Variants in XAF1 observed in about 807,000 individuals in gnomAD.
The protein encoded by XAF1 is XIAP-associated factor 1.
In XAF1, 32 loss-of-function variants were observed where a neutral mutation model predicts 32.3. The observed-to-expected ratio is 0.99, with a 90% CI of 0.75 to 1.33. The LOEUF (loss-of-function observed/expected upper bound fraction) is 1.33. Among genes scored for constraint, XAF1 ranks in the 40% most tolerant of loss-of-function variants. The pLI is 0.00. For missense variants in XAF1, 379 were observed against 366.0 expected, an observed-to-expected ratio of 1.04 and a Z score of -0.29; for synonymous variants, 120 against 125.9, an observed-to-expected ratio of 0.95 and a Z score of 0.31.
In XAF1 at chr17:6,773,499, G is replaced by A. The variant is rs114707182; in HGVS notation, c.*330G>A. 6.4e-3 allele frequency: 1,609 copies of A among 253,342 alleles called. 22 individuals carry two copies. The highest frequency in any genetic ancestry group is 0.035 in the African/African-American group (1,493 of 43,218). 15.7% of individuals were successfully genotyped at this position (253,342 alleles called of 1,614,324 possible). A position where few individuals can be genotyped will look rare whatever the true frequency, so the allele number is the denominator to read the frequency against. ...GCAAAAGCTGGAGCATTACTCTTGAGAAGTAGAACAAGGCACTTCAGTCCT... is the reference window on the plus strand; with the variant it reads ...GCAAAAGCTGGAGCATTACTCTTGAAAAGTAGAACAAGGCACTTCAGTCCT... On this transcript the variant is annotated 3_prime_UTR_variant, in exon 7 of 7. Coordinates refer to ENST00000361842, the MANE Select transcript of XAF1 (RefSeq NM_017523.5).
intron 1 of XAF1, among the ~76,000 whole-genome samples, chr17:6,757,021 C>T (rs368260187): frequency 1.6e-4 from 23 of 147,484 alleles, no homozygotes; most frequent in Admixed American, 4.7e-4. Context: ...GATGGAGTTT[C>T]GCTTCTTTTT....
At chr17:6,772,009 G>T (rs1447684973) in intron 6 of XAF1, 1 of 152,066 alleles carries the variant, frequency 6.6e-6, no homozygotes, top group East Asian at 1.9e-4. Context: ...TTTTCACTTA[G>T]TATATGATGC....
At chr17:6,760,193 C>G (rs890811794) in intron 3 of XAF1, among the ~76,000 whole-genome samples, 1 of 151,986 alleles carries the variant, frequency 6.6e-6, no homozygotes, top group African/African-American at 2.4e-5. Flanking sequence ...ACTAAAAGTA[C>G]AAAAATTAGC....
At position 6,759,661 on chromosome 17, in the gene XAF1, G is replaced by T; in HGVS notation, c.169-1G>T. 1.2e-6 allele frequency: 2 copies of T among 1,609,682 alleles called. No homozygotes were observed. The highest frequency in any genetic ancestry group is 8.5e-7 in the Non-Finnish European group (1 of 1,179,278). ...GTGTGTGTGTGTGTGTGTGTGTTTA[G>T]GTTGGGTGTACGATGTGTCAGCAGA... On this transcript the variant is annotated splice_acceptor_variant, in intron 2 of 6. Transcript: ENST00000361842. LOFTEE classifies it high-confidence loss of function.
intron 6 of XAF1, chr17:6,771,251 C>T (rs1054708308): frequency 2.7e-6 from 1 of 375,764 alleles, no homozygotes; most frequent in Non-Finnish European, 4.9e-6. Flanking sequence ...TCTCCAGCTT[C>T]TAGGCCAGGG....
rs377434222 is a variant in XAF1, at chr17:6,766,967, T to G, written c.508-3676T>G. ...CTTTCTTAGGTTACTCCTTGTTTGA[T>G]AGAACATATCCCCAAATAGTTTCTT... On this transcript the variant is annotated intron_variant, in intron 5 of 6. Coordinates refer to ENST00000361842, the MANE Select transcript of XAF1 (RefSeq NM_017523.5). Among the ~76,000 whole-genome samples, 191 of 152,320 alleles carry G rather than the reference T, an allele frequency of 1.3e-3. 9 individuals carry two copies. The South Asian group carries it at 0.037, about 29-fold the overall frequency.
chr17:6,759,136 C>A, intron 2 of XAF1: 1 of 1,016,656 alleles, frequency 9.8e-7, no homozygotes, highest in Non-Finnish European at 1.2e-6. Context: ...CACTTGAGGG[C>A]CATGGGAAGT....
intron 4 of XAF1, among the ~76,000 whole-genome samples, chr17:6,760,881 G>A (rs1056874605): frequency 3.0e-4 from 46 of 152,324 alleles, no homozygotes; most frequent in Admixed American, 2.9e-3. Context: ...AAGGCTGGGC[G>A]GGGTGGCTAA....
chr17:6,765,900 A>C (rs557461371), intron 5 of XAF1, among the ~76,000 whole-genome samples: 32 of 152,244 alleles, frequency 2.1e-4, no homozygotes, highest in African/African-American at 7.7e-4. Context: ...TTTTATGCAA[A>C]CTCAAAACTA....
At chr17:6,767,184 A>T (rs117736039) in intron 5 of XAF1, among the ~76,000 whole-genome samples, 277 of 152,306 alleles carry the variant, frequency 1.8e-3, no homozygotes, top group Admixed American at 5.8e-3. Flanking sequence ...TATCATTATT[A>T]CTTGTCCACT....
In XAF1 at chr17:6,774,292, A is replaced by T. The variant is rs1845461952; in HGVS notation, c.*1123A>T. ...ACCTACAACCATCTAATCTTTGACA[A>T]AGTTGACAAAAATACGCAATGGGGA... On this transcript the variant is annotated 3_prime_UTR_variant, in exon 7 of 7. Coordinates refer to ENST00000361842, the MANE Select transcript of XAF1 (RefSeq NM_017523.5). 6.6e-6 allele frequency: 1 copy of T among 152,226 alleles called. No homozygotes were observed. The highest frequency in any genetic ancestry group is 6.5e-5 in the Admixed American group (1 of 15,278). 9.4% of individuals were successfully genotyped at this position (152,226 alleles called of 1,614,324 possible).
rs114531225 is a variant in XAF1 at position 6,759,699 on chromosome 17, C to G, written c.206C>G (p.Ser69Cys). Reference sequence around the variant, plus strand: ...ATGTGTCAGCAGAGCATGCAGAAGTCCTCGCTGGAGTTTCATAAGGTAAGA... The same window carrying G: ...ATGTGTCAGCAGAGCATGCAGAAGTGCTCGCTGGAGTTTCATAAGGTAAGA... ...CTMCQQSMQKSSLEFHKANEC... is the reference protein window; with the variant it reads ...CTMCQQSMQKCSLEFHKANEC... The change falls in exon 3 of 7, where the codon TCC becomes TGC. Residue 69 changes from serine (S) to cysteine (C), a missense_variant. Physicochemically the swap from Ser to Cys is moderately radical, Grantham distance 112 (BLOSUM62 -1). Transcript: ENST00000361842. 4.9e-5 allele frequency: 79 copies of G among 1,613,794 alleles called. No homozygotes were observed. The Admixed American group carries it at 6.7e-4, about 14-fold the overall frequency.
At chr17:6,770,498 G>T (rs1975937583) in intron 5 of XAF1, 145 bp from the exon 6 acceptor site, 3 of 668,942 alleles carry the variant, frequency 4.5e-6, no homozygotes, top group South Asian at 6.1e-5. Flanking sequence ...TGCAAAGCCA[G>T]CTATTAAATT....
chr17:6,761,990 T>A, intron 4 of XAF1, 165 bp from the exon 5 acceptor site: 1 of 1,535,286 alleles, frequency 6.5e-7, no homozygotes, highest in Non-Finnish European at 8.7e-7. Context: ...CGGCCAAGAG[T>A]TGCCTGTGTG....
At chr17:6,769,603 T>C (rs1975870232) in intron 5 of XAF1, among the ~76,000 whole-genome samples, 2 of 152,196 alleles carry the variant, frequency 1.3e-5, no homozygotes, top group African/African-American at 4.8e-5. Flanking sequence ...TCAAGGTGGA[T>C]TGCTTCCTTG....
intron 2 of XAF1, 56 bp downstream of exon 2, chr17:6,758,280 C>T: frequency 6.3e-7 from 1 of 1,597,784 alleles, no homozygotes; most frequent in Non-Finnish European, 8.5e-7. Context: ...GTTCAGTCCT[C>T]CCTGCAGGTG....
At position 6,760,579 on chromosome 17, in the gene XAF1, T is replaced by C. The variant is rs1036940709; in HGVS notation, c.399T>C (p.Ser133=). 51 of 1,610,974 alleles carry C rather than the reference T, an allele frequency of 3.2e-5. No individual in the cohort carries two copies. The highest frequency in any genetic ancestry group is 3.8e-5 in the Non-Finnish European group (45 of 1,178,712). Residue 133 remains serine, a synonymous_variant, in exon 4 of 7, where the codon AGT becomes AGC. Coordinates refer to ENST00000361842, the MANE Select transcript of XAF1 (RefSeq NM_017523.5). Reference sequence around the variant, plus strand: ...CCCAGCACAGAGATGTCTGTCGCAGTGAACAGGCCCAGCTCGGGAAAGGTA... The same window carrying C: ...CCCAGCACAGAGATGTCTGTCGCAGCGAACAGGCCCAGCTCGGGAAAGGTA... ...MLAQHRDVCR[S]EQAQLGKGER...
intron 5 of XAF1, among the ~76,000 whole-genome samples, chr17:6,764,785 T>C (rs1975470001): frequency 6.6e-6 from 1 of 152,222 alleles, no homozygotes; most frequent in Admixed American, 6.5e-5. Flanking sequence ...CCATCTTTTC[T>C]TCTCTCATTC....
At chr17:6,764,951 C>T (rs534170906) in intron 5 of XAF1, among the ~76,000 whole-genome samples, 3 of 152,276 alleles carry the variant, frequency 2.0e-5, no homozygotes, top group East Asian at 1.9e-4. Context: ...TGGACTTTCT[C>T]GGCTTCCAGG....
Sources: gnomAD v4.1 joint callset for allele counts (sites outside exome capture counted in the v4.1 genomes callset) on GRCh38, gnomAD v4.1.1 for gene constraint, MANE v1.5 for transcripts, NCBI Gene and HGNC (gene_info 2026-07-23, HGNC 2026-07-21) for gene names.